CACNA1B: variants seen among roughly 807,000 people sequenced by gnomAD.
CACNA1B encodes the protein voltage-dependent N-type calcium channel subunit alpha-1B.
In CACNA1B, 70 loss-of-function variants were observed where a neutral mutation model predicts 247.2. That is an observed-to-expected ratio of 0.28 (90% confidence interval 0.23 to 0.35). The LOEUF is 0.35. Among genes scored for constraint, CACNA1B ranks in the 10% least tolerant of loss-of-function variants. The probability of loss-of-function intolerance (pLI) is 1.00; values close to 1 mark genes in which losing one functional copy is unlikely to be tolerated. For synonymous variants in CACNA1B, 1,231 were observed against 1,294.4 expected, an observed-to-expected ratio of 0.95 and a Z score of 1.05; for missense variants, 2,367 against 3,197.4, an observed-to-expected ratio of 0.74 and a Z score of 6.26.
Position 138,059,337 on chromosome 9 carries a change from G to A in CACNA1B, c.4584+148G>A, listed in dbSNP as rs1013051539. The A allele has an allele frequency of 3.1e-6, 2 of 638,182 alleles. No individual in the cohort carries two copies. The highest frequency in any genetic ancestry group is 4.9e-5 in the Admixed American group (2 of 41,148). The allele number at this position is 638,182 out of a possible 1,614,324, so 39.5% of individuals were successfully genotyped here. ...AATGCTACAGGGGCCCTGGGGAAGGGGCTGTTCTGAGACTCTTGGCTACAT... is the reference window on the plus strand; with the variant it reads ...AATGCTACAGGGGCCCTGGGGAAGGAGCTGTTCTGAGACTCTTGGCTACAT... On this transcript the variant is annotated intron_variant, in intron 30 of 46. Coordinates refer to ENST00000371372, the MANE Select transcript of CACNA1B (RefSeq NM_000718.4). The surrounding 1 kb of genome is among the most constrained non-coding windows in gnomAD (Gnocchi z 4.2).
intron 36 of CACNA1B, among the ~76,000 whole-genome samples, chr9:138,079,691 C>G (rs1486346592): frequency 7.0e-6 from 1 of 143,850 alleles, no homozygotes. Flanking sequence ...TGCAGTGAGC[C>G]GAGATCGCGC....
chr9:137,913,133 C>G lies in CACNA1B; in HGVS notation c.531-47C>G, dbSNP rs1957375905. 8 of 1,471,274 alleles carry G rather than the reference C, an allele frequency of 5.4e-6. No homozygotes were observed. The highest frequency in any genetic ancestry group is 7.6e-6 in the Non-Finnish European group (8 of 1,052,282). The allele number at this position is 1,471,274 out of a possible 1,614,324, so 91.1% of individuals were successfully genotyped here. ...TGGGAGGAGTGTGTCCTCTTCCAGGCTCAATGTGGAAACCTTTACTTCCCT... is the reference window on the plus strand; with the variant it reads ...TGGGAGGAGTGTGTCCTCTTCCAGGGTCAATGTGGAAACCTTTACTTCCCT... On this transcript the variant is annotated intron_variant, in intron 3 of 46. Coordinates refer to ENST00000371372, the MANE Select transcript of CACNA1B (RefSeq NM_000718.4). The surrounding 1 kb of genome is among the most constrained non-coding windows in gnomAD (Gnocchi z 5.2).
At chr9:138,042,737 A>C (rs1458709847) in intron 20 of CACNA1B, among the ~76,000 whole-genome samples, 1 of 152,110 alleles carries the variant, frequency 6.6e-6, no homozygotes, top group Non-Finnish European at 1.5e-5. Context: ...TATAGACCCC[A>C]CTGCTGTGGC....
At chr9:137,959,102 C>T (rs974663865) in intron 10 of CACNA1B, among the ~76,000 whole-genome samples, 7 of 151,872 alleles carry the variant, frequency 4.6e-5, no homozygotes, top group East Asian at 1.9e-4. Context: ...ACAAAAATTT[C>T]GCTCTTGTTG....
At chr9:137,975,155 C>A (rs1030980877) in intron 11 of CACNA1B, among the ~76,000 whole-genome samples, 2 of 152,112 alleles carry the variant, frequency 1.3e-5, no homozygotes, top group Non-Finnish European at 2.9e-5. Context: ...GCCCTCTAGC[C>A]CCAGCATGGC....
intron 15 of CACNA1B, among the ~76,000 whole-genome samples, chr9:137,992,752 C>A (rs1416677497): frequency 6.6e-6 from 1 of 150,462 alleles, no homozygotes; most frequent in African/African-American, 2.5e-5. Context: ...AGCCGAGATC[C>A]GGCCACTGCA....
chr9:138,000,622 G>A (rs1234134841), intron 15 of CACNA1B, among the ~76,000 whole-genome samples: 2 of 152,178 alleles, frequency 1.3e-5, no homozygotes, highest in Non-Finnish European at 2.9e-5. Flanking sequence ...TCAGAGAAGG[G>A]ATGAAATCAT....
In CACNA1B at chr9:137,955,829, A is replaced by C; in HGVS notation, c.1186+16A>C. 1 of 1,501,564 alleles carries C rather than the reference A, an allele frequency of 6.7e-7. No homozygotes were observed. Among genetic ancestry groups the C allele is most frequent in the Non-Finnish European group, 9.2e-7 (1 of 1,088,906 alleles). 93.0% of individuals were successfully genotyped at this position (1,501,564 alleles called of 1,614,324 possible). On this transcript the variant is annotated intron_variant, in intron 8 of 46. Coordinates refer to ENST00000371372, the MANE Select transcript of CACNA1B (RefSeq NM_000718.4). This position sits in a 1 kb window ranked among gnomAD's most constrained non-coding sequence, Gnocchi z 6.9. The stretch of plus-strand genomic sequence containing the variant: ...TTCAAGGCGGGTGAGGGCCCGTGGG[A>C]GCCACTGCACTCCTGGCCGGCCACT...
intron 23 of CACNA1B, 109 bp downstream of exon 23, chr9:138,047,567 C>T: frequency 1.3e-6 from 1 of 759,318 alleles, no homozygotes; most frequent in Non-Finnish European, 2.3e-6. Flanking sequence ...ACTCTTAAGA[C>T]ATATGGTAGG....
chr9:138,101,015 G>A, intron 37 of CACNA1B: 3 of 458,382 alleles, frequency 6.5e-6, no homozygotes, highest in South Asian at 4.8e-5. Context: ...GCCTGCGCGA[G>A]GTCGGTCTTC....
chr9:137,972,879 A>G lies in CACNA1B; in HGVS notation c.1543+1287A>G, dbSNP rs572998449. On this transcript the variant is annotated intron_variant, in intron 11 of 46. Coordinates refer to ENST00000371372, the MANE Select transcript of CACNA1B (RefSeq NM_000718.4). ...TCGAGAAGCAGCTTGTGTACATGGA[A>G]CTGCCTGTCCCAGCTCCTGACTGAC... 2.9e-3 allele frequency among the ~76,000 whole-genome samples: 448 copies of G among 152,236 alleles called. 3 individuals carry two copies. Among genetic ancestry groups the G allele is most frequent in the African/African-American group, 0.01 (433 of 41,546 alleles).
chr9:138,006,565 A>G (rs912988690), intron 15 of CACNA1B, among the ~76,000 whole-genome samples: 2 of 152,234 alleles, frequency 1.3e-5, no homozygotes, highest in African/African-American at 2.4e-5. Flanking sequence ...TTCTGCAGCC[A>G]TGTCCTTCTG....
rs2133217913 is a variant in CACNA1B, at chr9:137,880,936, C to T, written c.390+1777C>T. Reference sequence around the variant, plus strand: ...ACTCTGGAGCTACCTCGAGCCAGGCCCCAGCTTGCAGTGCAACACCAAGCT... The same window carrying T: ...ACTCTGGAGCTACCTCGAGCCAGGCTCCAGCTTGCAGTGCAACACCAAGCT... On this transcript the variant is annotated intron_variant, in intron 2 of 46. Coordinates refer to ENST00000371372, the MANE Select transcript of CACNA1B (RefSeq NM_000718.4). The surrounding 1 kb of genome is among the most constrained non-coding windows in gnomAD (Gnocchi z 4.8). Among the ~76,000 whole-genome samples the T allele has an allele frequency of 6.6e-6, 1 of 152,304 alleles. No homozygotes were observed. Among genetic ancestry groups the T allele is most frequent in the South Asian group, 2.1e-4 (1 of 4,828 alleles).
chr9:138,120,995 C>T, intron 46 of CACNA1B, 114 bp downstream of exon 46: 3 of 1,285,986 alleles, frequency 2.3e-6, no homozygotes, highest in Non-Finnish European at 3.2e-6. Context: ...TTGTCATTCC[C>T]AGCAACCCAA....
In CACNA1B at chr9:138,007,118, G is replaced by A. The variant is rs1484448816; in HGVS notation, c.2092+234G>A. ...GCTGCGTGTGGGGGTATCCAGAGGT[G>A]GGGGTGGGTGCGGCCAGCAGCAGGC... On this transcript the variant is annotated intron_variant, in intron 16 of 46. Transcript: ENST00000371372. The surrounding 1 kb of genome is among the most constrained non-coding windows in gnomAD (Gnocchi z 4.1). Among the ~76,000 whole-genome samples the A allele has an allele frequency of 1.3e-5, 2 of 152,196 alleles. No individual in the cohort carries two copies. The highest frequency in any genetic ancestry group is 2.4e-5 in the African/African-American group (1 of 41,456).
At chr9:138,024,651 G>A (rs1344860319) in intron 19 of CACNA1B, among the ~76,000 whole-genome samples, 1 of 152,130 alleles carries the variant, frequency 6.6e-6, no homozygotes, top group Non-Finnish European at 1.5e-5. Context: ...TATTATTGGA[G>A]ACAGGACCGC....
rs139950530 is a variant in CACNA1B, at chr9:137,918,799, G to A, written c.966+1368G>A. 1.7e-3 allele frequency among the ~76,000 whole-genome samples: 261 copies of A among 152,356 alleles called. 1 individual carries two copies. Among genetic ancestry groups the A allele is most frequent in the South Asian group, 9.5e-3 (46 of 4,830 alleles). ...CTTCTTGAACAGGCAGATGGCAGAT[G>A]AGGAGTTAAGGAAAAGCCAGCACAG... On this transcript the variant is annotated intron_variant, in intron 6 of 46. Transcript: ENST00000371372.
chr9:138,020,093 T>C lies in CACNA1B; in HGVS notation c.2268-2918T>C. Among the ~76,000 whole-genome samples, 1 of 114,036 alleles carries C rather than the reference T, an allele frequency of 8.8e-6. No homozygotes were observed. Among genetic ancestry groups the C allele is most frequent in the South Asian group, 3.1e-4 (1 of 3,224 alleles). The allele number at this position is 114,036 out of a possible 152,430, so 74.8% of individuals were successfully genotyped here. The stretch of plus-strand genomic sequence containing the variant: ...GCCTGGGCGACACAGCGAGACTCTG[T>C]CTCCCAAAAAAAAAAAAAAAAAAAA... On this transcript the variant is annotated intron_variant, in intron 18 of 46. Coordinates refer to ENST00000371372, the MANE Select transcript of CACNA1B (RefSeq NM_000718.4). This position sits in a 1 kb window ranked among gnomAD's most constrained non-coding sequence, Gnocchi z 4.1.
At position 137,973,378 on chromosome 9, in the gene CACNA1B, G is replaced by T. The variant is rs1958179648; in HGVS notation, c.1543+1786G>T. On this transcript the variant is annotated intron_variant, in intron 11 of 46. Coordinates refer to ENST00000371372, the MANE Select transcript of CACNA1B (RefSeq NM_000718.4). The surrounding 1 kb of genome is among the most constrained non-coding windows in gnomAD (Gnocchi z 4.1). Reference sequence around the variant, plus strand: ...AGAGGCGAGGGGGTGTGGCCGCCCAGCCTAGAGCAGCTTTGCAGGGGCTCA... The same window carrying T: ...AGAGGCGAGGGGGTGTGGCCGCCCATCCTAGAGCAGCTTTGCAGGGGCTCA... Among the ~76,000 whole-genome samples the T allele has an allele frequency of 6.6e-6, 1 of 152,216 alleles. No homozygotes were observed. Among genetic ancestry groups the T allele is most frequent in the Non-Finnish European group, 1.5e-5 (1 of 68,036 alleles).
Sources: allele counts gnomAD v4.1 joint callset (sites outside exome capture counted in the v4.1 genomes callset), GRCh38; gene constraint gnomAD v4.1.1; non-coding constraint Gnocchi (gnomAD v3.1); transcripts MANE v1.5; gene names NCBI Gene and HGNC (gene_info 2026-07-23, HGNC 2026-07-21).